Variants in BCAP29 observed in about 807,000 individuals in gnomAD.
The protein encoded by BCAP29 is B cell receptor associated protein 29.
A neutral mutation model predicts 31.8 loss-of-function variants in BCAP29; 34 were observed. That is an observed-to-expected ratio of 1.07 (90% CI 0.81 to 1.42). BCAP29 has a LOEUF of 1.42. BCAP29 is among the 40% of genes most tolerant of loss of function. The pLI is 0.00. For synonymous variants in BCAP29, 104 were observed against 91.3 expected (o/e 1.14, Z -0.79); for missense variants, 314 against 269.2 (o/e 1.17, Z -1.16).
chr7:107,621,725 C>T (rs1162523003), downstream of BCAP29: 1 of 472,380 alleles, frequency 2.1e-6, no homozygotes, highest in Admixed American at 2.3e-5. Flanking sequence ...GGAATGCTGA[C>T]AGCCACCAGA....
chr7:107,588,254 T>C (rs1488469293), intron 3 of BCAP29, among the ~76,000 whole-genome samples: 2 of 152,120 alleles, frequency 1.3e-5, no homozygotes, highest in Non-Finnish European at 2.9e-5. Context: ...AGTCAAAAAT[T>C]AAGGATTTTT....
At chr7:107,580,472 A>C in intron 1 of BCAP29, 171 bp downstream of exon 1, 15 of 295,964 alleles carry the variant, frequency 5.1e-5, no homozygotes, top group East Asian at 9.7e-5. Flanking sequence ...AGGGCCGGGA[A>C]GCCGGGCGTT....
downstream of BCAP29, chr7:107,620,914 C>G (rs1814905581): frequency 6.6e-6 from 1 of 152,244 alleles, no homozygotes; most frequent in Non-Finnish European, 1.5e-5. Flanking sequence ...TAGCCTGATG[C>G]CAGCAGCCTG....
At chr7:107,617,392 G>A (rs1268635906) in intron 7 of BCAP29, among the ~76,000 whole-genome samples, 1 of 151,946 alleles carries the variant, frequency 6.6e-6, no homozygotes, top group Non-Finnish European at 1.5e-5. Context: ...TCCCCTCCCT[G>A]TTATAGGCAC....
chr7:107,587,497 C>T (rs930231473), intron 3 of BCAP29: 1 of 152,152 alleles, frequency 6.6e-6, no homozygotes, highest in Non-Finnish European at 1.5e-5. Context: ...CTTCATAGTA[C>T]TCACTATTTG....
At chr7:107,603,846 C>G (rs1021923011) in intron 6 of BCAP29, among the ~76,000 whole-genome samples, 4 of 151,868 alleles carry the variant, frequency 2.6e-5, no homozygotes, top group African/African-American at 9.7e-5. Flanking sequence ...GCTTCAAGCC[C>G]TTCCTCCTCA....
At chr7:107,616,765 G>C (rs973780025) in intron 7 of BCAP29, among the ~76,000 whole-genome samples, 1 of 152,024 alleles carries the variant, frequency 6.6e-6, no homozygotes, top group Non-Finnish European at 1.5e-5. Flanking sequence ...TTGAGACAGT[G>C]TCTCACTCTG....
downstream of BCAP29, chr7:107,623,202 T>C (rs1815110519): frequency 6.6e-6 from 1 of 152,162 alleles, no homozygotes; most frequent in Non-Finnish European, 1.5e-5. Context: ...ATGCATTGTC[T>C]CAACATCCTA....
chr7:107,612,424 TATATATATA>T (rs1563141424), intron 6 of BCAP29, among the ~76,000 whole-genome samples: 743 of 45,012 alleles, frequency 0.017, 70 homozygotes, highest in African/African-American at 0.035. Flanking sequence ...TATATATATA[TATATATATA>T]TATATATTTA....
intron 3 of BCAP29, among the ~76,000 whole-genome samples, chr7:107,584,393 G>A (rs1046665058): frequency 1.3e-5 from 2 of 152,164 alleles, no homozygotes; most frequent in Non-Finnish European, 2.9e-5. Context: ...TTAGATGCAG[G>A]GTGTGCATTT....
intron 3 of BCAP29, among the ~76,000 whole-genome samples, chr7:107,587,093 A>G (rs1807840243): frequency 6.6e-6 from 1 of 152,174 alleles, no homozygotes; most frequent in Admixed American, 6.5e-5. Context: ...GAGTGTGTGC[A>G]TACAAGTGTG....
intron 6 of BCAP29, among the ~76,000 whole-genome samples, chr7:107,607,429 G>A (rs779080347): frequency 1.6e-4 from 24 of 152,174 alleles, no homozygotes; most frequent in Non-Finnish European, 7.4e-5. Flanking sequence ...TAGGGAAGAC[G>A]AGGACTTAGA....
intron 3 of BCAP29, among the ~76,000 whole-genome samples, chr7:107,588,448 A>G (rs761061901): frequency 5.3e-5 from 8 of 152,228 alleles, no homozygotes; most frequent in African/African-American, 9.6e-5. Context: ...TTAAAGACAT[A>G]GGAGTCTGGC....
intron 4 of BCAP29, 62 bp from the exon 5 acceptor site, chr7:107,595,805 C>A: frequency 1.3e-6 from 2 of 1,544,522 alleles, no homozygotes; most frequent in Non-Finnish European, 1.7e-6. Context: ...TTGGCAATGA[C>A]TGTTTTAAAA....
intron 6 of BCAP29, among the ~76,000 whole-genome samples, chr7:107,612,422 TA>T (rs1563141394): frequency 0.029 from 1,333 of 45,424 alleles, 110 homozygotes; most frequent in Middle Eastern, 0.071. Context: ...TATATATATA[TA>T]TATATATATA....
At chr7:107,600,093 T>A (rs992000713) in intron 5 of BCAP29, 3 of 342,884 alleles carry the variant, frequency 8.7e-6, no homozygotes, top group Non-Finnish European at 1.7e-5. Flanking sequence ...TCTCATTAAT[T>A]GAGGAAGAAA....
chr7:107,607,125 G>GC (rs1445598826), intron 6 of BCAP29, among the ~76,000 whole-genome samples: 1 of 152,124 alleles, frequency 6.6e-6, no homozygotes, highest in Non-Finnish European at 1.5e-5. Flanking sequence ...GGCCAGCCTG[G>GC]CCAAATATGG....
chr7:107,580,731 AAG>A (rs1249223355), intron 1 of BCAP29, 26 bp from the exon 2 acceptor site: 2 of 1,497,928 alleles, frequency 1.3e-6, no homozygotes, highest in Non-Finnish European at 1.8e-6. Context: ...GAAAGGAAGC[AAG>A]AGAAAATAAG....
In BCAP29 at chr7:107,599,521, TAAAAAAAA is replaced by T. The variant is rs397943714; in HGVS notation, c.481-870_481-863del. Among the ~76,000 whole-genome samples the T allele has an allele frequency of 8.9e-3, 1,174 of 131,752 alleles. 20 individuals are homozygous for T. The highest frequency in any genetic ancestry group is 0.031 in the African/African-American group (1,118 of 36,202). The allele number at this position is 131,752 out of a possible 152,430, so 86.4% of individuals were successfully genotyped here. On this transcript the variant is annotated intron_variant, in intron 5 of 7. Transcript: ENST00000005259. ...GGTGACAGAGTGAGACCCTGTTTCT[TAAAAAAAA>T]AAAAAGAAAAAAAAGTAGCTGCCTG... is the stretch of plus-strand genomic sequence containing the variant.
Sources: allele counts gnomAD v4.1 joint callset (sites outside exome capture counted in the v4.1 genomes callset), GRCh38; gene constraint gnomAD v4.1.1; transcripts MANE v1.5; gene names NCBI Gene and HGNC (gene_info 2026-07-23, HGNC 2026-07-21).